Variants in VPS54 observed in about 807,000 individuals in gnomAD.
VPS54 encodes the protein vacuolar protein sorting-associated protein 54.
In VPS54, 45 loss-of-function variants were observed where a neutral mutation model predicts 121.5. That is an observed-to-expected ratio of 0.37 (90% CI 0.29 to 0.47). The LOEUF (loss-of-function observed/expected upper bound fraction) is 0.47, where lower values mean the gene tolerates loss of function less well. Among genes scored for constraint, VPS54 ranks in the 20% least tolerant of loss-of-function variants. The pLI, the probability that VPS54 is intolerant of heterozygous loss-of-function variation, is 0.99. For missense variants in VPS54, 1,090 were observed against 1,131.4 expected, an observed-to-expected ratio of 0.96 and a Z score of 0.52; for synonymous variants, 371 against 385.8, an observed-to-expected ratio of 0.96 and a Z score of 0.45.
At chr2:64,007,418 A>T (rs1450129519) in intron 1 of VPS54, among the ~76,000 whole-genome samples, 1 of 152,246 alleles carries the variant, frequency 6.6e-6, no homozygotes, top group Non-Finnish European at 1.5e-5. Context: ...GAGTTGGACA[A>T]GACTTTAAAA....
At chr2:63,896,687 A>G (rs567586237) in intron 22 of VPS54, among the ~76,000 whole-genome samples, 5 of 152,294 alleles carry the variant, frequency 3.3e-5, no homozygotes, top group Admixed American at 6.5e-5. Context: ...ATTTGTTCTT[A>G]TAAGTTTGAA....
chr2:63,970,290 T>TATAGATATAG (rs1676220745), intron 4 of VPS54, among the ~76,000 whole-genome samples: 4 of 144,098 alleles, frequency 2.8e-5, no homozygotes, highest in Non-Finnish European at 6.0e-5. Context: ...TATAGATATA[T>TATAGATATAG]ATAGATATAT....
intron 3 of VPS54, among the ~76,000 whole-genome samples, chr2:63,977,958 G>A (rs1290395797): frequency 2.0e-5 from 3 of 152,206 alleles, no homozygotes; most frequent in African/African-American, 7.2e-5. Context: ...TTTCCCTGCA[G>A]ACCTCTTAAA....
chr2:63,950,626 C>T (rs934029151), intron 7 of VPS54, among the ~76,000 whole-genome samples: 1 of 152,128 alleles, frequency 6.6e-6, no homozygotes. Flanking sequence ...TTATCTTCTC[C>T]CTTTGAAGCT....
intron 20 of VPS54, among the ~76,000 whole-genome samples, chr2:63,910,057 T>G (rs1178776423): frequency 6.6e-6 from 1 of 152,152 alleles, no homozygotes; most frequent in Admixed American, 6.5e-5. Flanking sequence ...TCAACCCATA[T>G]GTTATTGTGT....
At position 63,981,665 on chromosome 2, in the gene VPS54, T is replaced by C. The variant is rs1463239553; in HGVS notation, c.359A>G (p.Tyr120Cys). The stretch of plus-strand genomic sequence containing the variant: ...TATTACCTGAGAGATTTCCTGTTGA[T>C]ATACTGTAAAATGTTCCTTGCTGAT... ...PQISKEHFTV[Y>C]QQEISQREKI... Residue 120 changes from tyrosine (Y) to cysteine (C), a missense_variant, in exon 3 of 23, where the codon TAT (tyrosine) becomes TGT (cysteine). Coordinates refer to ENST00000272322, the MANE Select transcript of VPS54 (RefSeq NM_016516.3). The C allele has an allele frequency of 6.3e-7, 1 of 1,598,850 alleles. No homozygotes were observed. Among genetic ancestry groups the C allele is most frequent in the Non-Finnish European group, 8.5e-7 (1 of 1,171,836 alleles).
chr2:63,985,910 A>T (rs1217486210), intron 1 of VPS54, among the ~76,000 whole-genome samples: 1 of 152,214 alleles, frequency 6.6e-6, no homozygotes, highest in Non-Finnish European at 1.5e-5. Context: ...AGAGAGATAA[A>T]CATGTATCTT....
At chr2:63,920,215 A>G (rs530437317) in intron 14 of VPS54, among the ~76,000 whole-genome samples, 1 of 152,168 alleles carries the variant, frequency 6.6e-6, no homozygotes, top group Non-Finnish European at 1.5e-5. Flanking sequence ...GAGTGGGAAC[A>G]AAAGTCAACT....
At chr2:63,896,441 T>C (rs188515679) in intron 22 of VPS54, among the ~76,000 whole-genome samples, 64 of 152,314 alleles carry the variant, frequency 4.2e-4, no homozygotes, top group African/African-American at 1.5e-3. Flanking sequence ...TCAGTGTTCA[T>C]TATTGTCCTT....
chr2:63,912,042 A>G (rs1443337758), intron 20 of VPS54, among the ~76,000 whole-genome samples: 2 of 152,196 alleles, frequency 1.3e-5, no homozygotes, highest in Admixed American at 1.3e-4. Context: ...CCTTAGAATC[A>G]TCTCTCCTAC....
intron 20 of VPS54, among the ~76,000 whole-genome samples, chr2:63,903,568 C>T (rs1575885700): frequency 6.6e-6 from 1 of 151,900 alleles, no homozygotes; most frequent in Admixed American, 6.6e-5. Flanking sequence ...AAAACAGTGG[C>T]AAGGTATCAC....
intron 8 of VPS54, among the ~76,000 whole-genome samples, chr2:63,948,382 G>C (rs1457666310): frequency 6.7e-6 from 1 of 148,858 alleles, no homozygotes; most frequent in Admixed American, 6.7e-5. Context: ...TGAATGACGG[G>C]TAATTACCAT....
chr2:63,913,174 A>G (rs1211453959), intron 18 of VPS54, 49 bp downstream of exon 18: 2 of 1,483,230 alleles, frequency 1.3e-6, no homozygotes, highest in African/African-American at 1.4e-5. Flanking sequence ...GAGAACAGTG[A>G]CATCACTGTT....
rs1297451047 is a variant in VPS54 at position 63,983,715 on chromosome 2, T to C, written c.136+149A>G. ...CCTCAGCCTCCCAAAGTGCTGGGATTACAGGCGTGAGCCACCGTGCCCGGC... is the reference window on the plus strand; with the variant it reads ...CCTCAGCCTCCCAAAGTGCTGGGATCACAGGCGTGAGCCACCGTGCCCGGC... On this transcript the variant is annotated intron_variant, in intron 2 of 22. Transcript: ENST00000272322. 6.2e-6 allele frequency: 6 copies of C among 966,010 alleles called. No individual in the cohort carries two copies. The African/African-American group carries it at 8.3e-5, about 13-fold the overall frequency. The allele number at this position is 966,010 out of a possible 1,614,324, so 59.8% of individuals were successfully genotyped here. A position where few individuals can be genotyped will look rare whatever the true frequency, so the allele number is the denominator to read the frequency against.
chr2:63,914,197 C>G lies in VPS54; in HGVS notation c.2319G>C (p.Leu773=), dbSNP rs187145262. The change falls in exon 17 of 23, where the codon CTG becomes CTC. Residue 773 remains leucine (L), a synonymous_variant. Transcript: ENST00000272322. ...PSVTTDMLTR[L]SDLLKYFNSR... Reference sequence around the variant, plus strand: ...TCATACATACCTTCAATAAATCTGACAGACGAGTAAGCATGTCAGTAGTAA... The same window carrying G: ...TCATACATACCTTCAATAAATCTGAGAGACGAGTAAGCATGTCAGTAGTAA... 34 of 1,612,924 alleles carry G rather than the reference C, an allele frequency of 2.1e-5. No homozygotes were observed. The highest frequency in any genetic ancestry group is 5.3e-5 in the African/African-American group (4 of 74,938).
chr2:64,013,661 G>T (rs1259596695), intron 1 of VPS54, among the ~76,000 whole-genome samples: 2 of 139,790 alleles, frequency 1.4e-5, no homozygotes, highest in African/African-American at 2.7e-5. Context: ...GATATATATT[G>T]ATATATATAT....
At chr2:64,010,556 T>C (rs1350980892) in intron 1 of VPS54, among the ~76,000 whole-genome samples, 8 of 152,222 alleles carry the variant, frequency 5.3e-5, no homozygotes, top group Admixed American at 5.2e-4. Context: ...ATACATCAAA[T>C]ATCTCATGTT....
At chr2:64,008,206 A>G (rs1047740258) in intron 1 of VPS54, among the ~76,000 whole-genome samples, 1 of 152,104 alleles carries the variant, frequency 6.6e-6, no homozygotes, top group Non-Finnish European at 1.5e-5. Flanking sequence ...TGAGGTCAGG[A>G]GTTCAAGATC....
At chr2:63,972,869 C>T (rs766239477) in intron 3 of VPS54, among the ~76,000 whole-genome samples, 2 of 149,842 alleles carry the variant, frequency 1.3e-5, no homozygotes, top group Non-Finnish European at 3.0e-5. Flanking sequence ...CAGAGTGAGA[C>T]TCTATCACAA....
Sources: allele counts gnomAD v4.1 joint callset (sites outside exome capture counted in the v4.1 genomes callset), GRCh38; gene constraint gnomAD v4.1.1; transcripts MANE v1.5; gene names NCBI Gene and HGNC (gene_info 2026-07-23, HGNC 2026-07-21).